Variants in DHX32 observed in about 807,000 individuals in gnomAD.
The protein encoded by DHX32 is putative pre-mRNA-splicing factor ATP-dependent RNA helicase DHX32.
In DHX32, 51 loss-of-function variants were observed where a neutral mutation model predicts 70.0. The observed-to-expected ratio is 0.73, with a 90% CI of 0.58 to 0.92. The LOEUF (loss-of-function observed/expected upper bound fraction) is 0.92. Among genes scored for constraint, DHX32 ranks in the 40% least tolerant of loss-of-function variants. DHX32 has a pLI of 0.00. For synonymous variants in DHX32, 310 were observed against 315.3 expected, an observed-to-expected ratio of 0.98 and a Z score of 0.18; for missense variants, 762 against 891.8, an observed-to-expected ratio of 0.85 and a Z score of 1.85.
upstream of DHX32, among the ~76,000 whole-genome samples, chr10:125,881,751 C>T (rs1944318956): frequency 2.0e-5 from 3 of 152,164 alleles, no homozygotes; most frequent in Admixed American, 2.0e-4. Flanking sequence ...CTGTTTTCCC[C>T]CTGCCTCAGC....
At chr10:125,881,412 C>G (rs73381281), upstream of DHX32, 1 of 152,158 alleles carries the variant, frequency 6.6e-6, no homozygotes, top group Non-Finnish European at 1.5e-5. Context: ...CACGTGGTCA[C>G]CTAATCCCAT....
At chr10:125,882,503 T>C (rs1417880490), upstream of DHX32, among the ~76,000 whole-genome samples, 1 of 152,118 alleles carries the variant, frequency 6.6e-6, no homozygotes. Context: ...AACTAGGCAC[T>C]AGATACACAC....
intron 1 of DHX32, among the ~76,000 whole-genome samples, chr10:125,893,227 T>A (rs1944381662): frequency 6.6e-6 from 1 of 152,214 alleles, no homozygotes; most frequent in African/African-American, 2.4e-5. Context: ...TCCCATTTAT[T>A]TATTTATTTA....
Position 125,841,949 on chromosome 10 carries a change from A to C in DHX32, c.1352-15T>G, listed in dbSNP as rs1564823001. 6.4e-7 allele frequency: 1 copy of C among 1,573,328 alleles called. No individual in the cohort carries two copies. The highest frequency in any genetic ancestry group is 1.4e-5 in the African/African-American group (1 of 72,674). On this transcript the variant is annotated splice_polypyrimidine_tract_variant and intron_variant, in intron 6 of 10. Transcript: ENST00000284690. ...ACTTTCTGGTGCTAGGAAAGGAAAA[A>C]AATAATAATTTAAGAGTCTCATATG... is the stretch of plus-strand genomic sequence containing the variant.
Position 125,839,206 on chromosome 10 carries a change from C to G in DHX32, c.1694-18G>C. ...CACACAGTCTAGGAGGGAAAGAACA[C>G]AAGGCTATTTAGAAATGATTTGTCA... On this transcript the variant is annotated intron_variant, in intron 8 of 10. Coordinates refer to ENST00000284690, the MANE Select transcript of DHX32 (RefSeq NM_018180.3). The G allele has an allele frequency of 6.2e-7, 1 of 1,610,082 alleles. No individual in the cohort carries two copies. The highest frequency in any genetic ancestry group is 8.5e-7 in the Non-Finnish European group (1 of 1,177,210).
chr10:125,837,190 G>A (rs913082612), intron 10 of DHX32, among the ~76,000 whole-genome samples: 3 of 152,164 alleles, frequency 2.0e-5, no homozygotes, highest in Non-Finnish European at 2.9e-5. Flanking sequence ...AGAGAGCTTT[G>A]GGTAGGGGAG....
At chr10:125,880,522 T>C in intron 1 of DHX32, 21 bp downstream of exon 1, 1 of 1,555,082 alleles carries the variant, frequency 6.4e-7, no homozygotes, top group Non-Finnish European at 8.7e-7. Context: ...CAGCAAATTA[T>C]TTTTTGTAGT....
Position 125,859,983 on chromosome 10 carries a change from G to C in DHX32, c.477-8C>G, listed in dbSNP as rs761206296. 1 of 1,522,176 alleles carries C rather than the reference G, an allele frequency of 6.6e-7. No individual in the cohort carries two copies. The highest frequency in any genetic ancestry group is 1.3e-5 in the South Asian group (1 of 74,826). 94.3% of individuals were successfully genotyped at this position (1,522,176 alleles called of 1,614,324 possible). The stretch of plus-strand genomic sequence containing the variant: ...ATATCATCAGTACAATACCTATAAA[G>C]AAGAAACATTAAAGTTAGAATATTC... On this transcript the variant is annotated splice_region_variant and splice_polypyrimidine_tract_variant and intron_variant, in intron 2 of 10. Coordinates refer to ENST00000284690, the MANE Select transcript of DHX32 (RefSeq NM_018180.3).
chr10:125,860,910 G>C (rs2134054965), intron 2 of DHX32, among the ~76,000 whole-genome samples: 1 of 151,534 alleles, frequency 6.6e-6, no homozygotes, highest in East Asian at 2.0e-4. Flanking sequence ...CCGCCACCAC[G>C]CCTGGCTAAT....
At chr10:125,851,590 T>C (rs2134043005) in intron 6 of DHX32, among the ~76,000 whole-genome samples, 1 of 152,164 alleles carries the variant, frequency 6.6e-6, no homozygotes. Context: ...ATGAAACCTA[T>C]CTTGTTGGGG....
intron 1 of DHX32, among the ~76,000 whole-genome samples, chr10:125,894,103 T>G (rs555709742): frequency 6.6e-6 from 1 of 152,310 alleles, no homozygotes; most frequent in East Asian, 1.9e-4. Flanking sequence ...TAAAAAAATA[T>G]ATATAGAACT....
chr10:125,883,051 T>C (rs559523602), upstream of DHX32, among the ~76,000 whole-genome samples: 2 of 152,302 alleles, frequency 1.3e-5, no homozygotes, highest in Admixed American at 6.5e-5. Flanking sequence ...GAAATGTTTC[T>C]CTTATTTATA....
At chr10:125,865,050 C>CT (rs564998344) in intron 2 of DHX32, among the ~76,000 whole-genome samples, 331 of 149,350 alleles carry the variant, frequency 2.2e-3, no homozygotes, top group Non-Finnish European at 3.7e-3. Flanking sequence ...TTAAAGAATC[C>CT]TTTTAAAGGG....
chr10:125,896,007 G>A (rs796315087), intron 1 of DHX32, among the ~76,000 whole-genome samples: 1 of 152,276 alleles, frequency 6.6e-6, no homozygotes, highest in Non-Finnish European at 1.5e-5. Context: ...GCAGGGCTCC[G>A]TCCTCCCGCT....
chr10:125,887,620 T>C lies in DHX32; in HGVS notation c.-247-6549A>G, dbSNP rs150684505. Among the ~76,000 whole-genome samples, 1,774 of 152,206 alleles carry C rather than the reference T, an allele frequency of 0.012. 95 individuals are homozygous for C. The East Asian group carries it at 0.15, about 13-fold the overall frequency. On this transcript the variant is annotated intron_variant, in intron 1 of 2. Transcript: ENST00000415732. ...TTACAGTCTTTTCTTTATTTTACAT[T>C]GTATGTGTTTGTGTGTGTGTTTTTT...
upstream of DHX32, among the ~76,000 whole-genome samples, chr10:125,882,979 T>C (rs958836504): frequency 6.6e-6 from 1 of 152,216 alleles, no homozygotes; most frequent in Non-Finnish European, 1.5e-5. Flanking sequence ...AATGATTGCC[T>C]TAGGTAGTAT....
rs143098206 is a variant in DHX32, at chr10:125,849,832, G to A, written c.1351+2461C>T. ...GTTTCCAAGTGATTTACAAACAAGC[G>A]CATATACTTCTCTAGTATTCTTACA... On this transcript the variant is annotated intron_variant, in intron 6 of 10. Transcript: ENST00000284690. Among the ~76,000 whole-genome samples, 287 of 152,266 alleles carry A rather than the reference G, an allele frequency of 1.9e-3. 2 individuals are homozygous for A. The highest frequency in any genetic ancestry group is 6.7e-3 in the African/African-American group (279 of 41,540).
upstream of DHX32, among the ~76,000 whole-genome samples, chr10:125,885,861 G>A (rs138664483): frequency 5.7e-4 from 87 of 152,068 alleles, no homozygotes; most frequent in Non-Finnish European, 9.7e-4. Context: ...CCTCCTAACC[G>A]GCCTTCCTCT....
Position 125,866,950 on chromosome 10 carries a change from G to A in DHX32, c.476+40C>T, listed in dbSNP as rs1343519156. Reference sequence around the variant, plus strand: ...TTCAGAATTGTAGAACCTAAGCCAAGAATCATCAGCAGGGAGCGGACTGAA... The same window carrying A: ...TTCAGAATTGTAGAACCTAAGCCAAAAATCATCAGCAGGGAGCGGACTGAA... On this transcript the variant is annotated intron_variant, in intron 2 of 10. Transcript: ENST00000284690. The surrounding 1 kb of genome is among the most constrained non-coding windows in gnomAD (Gnocchi z 4.8). 1.3e-6 allele frequency: 2 copies of A among 1,579,588 alleles called. No individual in the cohort carries two copies. Among genetic ancestry groups the A allele is most frequent in the South Asian group, 1.2e-5 (1 of 86,236 alleles).
Sources: gnomAD v4.1 joint callset for allele counts (sites outside exome capture counted in the v4.1 genomes callset) on GRCh38, gnomAD v4.1.1 for gene constraint, Gnocchi (gnomAD v3.1) non-coding constraint, MANE v1.5 for transcripts, NCBI Gene and HGNC (gene_info 2026-07-23, HGNC 2026-07-21) for gene names.